HOXA10: variants seen among roughly 807,000 people sequenced by gnomAD.
HOXA10 encodes the protein homeobox A10.
In HOXA10, 12 loss-of-function variants were observed where a neutral mutation model predicts 29.7. That is an observed-to-expected ratio of 0.40 (90% CI 0.26 to 0.65). The LOEUF is 0.65. Ranked by LOEUF, HOXA10 falls within the 30% of genes least tolerant of loss-of-function variation. HOXA10 has a pLI of 0.37. For missense variants in HOXA10, 656 were observed against 585.9 expected (o/e 1.12, Z -1.24); for synonymous variants, 327 against 280.7 (o/e 1.16, Z -1.65).
At position 27,173,194 on chromosome 7, in the gene HOXA10, C is replaced by A. The variant is rs373417573; in HGVS notation, c.958+155G>T. On this transcript the variant is annotated intron_variant, in intron 1 of 1. Transcript: ENST00000283921. ...ACATGAATTTTACTGCGTCCCCACG[C>A]CCAAATATTAAAAAGCAAGTTCACA... Among the ~76,000 whole-genome samples, 329 of 152,358 alleles carry A rather than the reference C, an allele frequency of 2.2e-3. 14 individuals are homozygous for A. The South Asian group carries it at 0.057, about 26-fold the overall frequency.
chr7:27,174,635 C>T (rs1783615295), upstream of HOXA10: 14 of 395,246 alleles, frequency 3.5e-5, no homozygotes, highest in South Asian at 3.5e-4. Flanking sequence ...TAGAAGGGCC[C>T]TTGGGCCCCG....
chr7:27,173,910 G>C lies in HOXA10; in HGVS notation c.397C>G (p.Pro133Ala). ...RSCRMEPPDG[P>A]PPPPQQQPPP... ...GGCTGCTGCTGGGGCGGCGGCGGCG[G>C]CCCGTCAGGCGGCTCCATCCGGCAA... The change falls in exon 1 of 2, where the codon CCG becomes GCG. Residue 133 changes from proline to alanine, a missense_variant. Coordinates refer to ENST00000283921, the MANE Select transcript of HOXA10 (RefSeq NM_018951.4). 6.6e-7 allele frequency: 1 copy of C among 1,522,572 alleles called. No homozygotes were observed. The highest frequency in any genetic ancestry group is 8.8e-7 in the Non-Finnish European group (1 of 1,137,178). The allele number at this position is 1,522,572 out of a possible 1,614,324, so 94.3% of individuals were successfully genotyped here.
Position 27,173,764 on chromosome 7 carries a change from G to A in HOXA10, c.543C>T (p.Val181=), listed in dbSNP as rs761206026. 1.2e-6 allele frequency: 2 copies of A among 1,607,642 alleles called. No individual in the cohort carries two copies. The highest frequency in any genetic ancestry group is 2.7e-5 in the African/African-American group (2 of 74,756). The part of the protein sequence containing the change: ...LYDSADKCPK[V]SATAAELAPF... ...GAGCCAGTTCGGCGGCGGTGGCCGA[G>A]ACTTTGGGGCATTTGTCCGCCGAGT... is the stretch of plus-strand genomic sequence containing the variant. Residue 181 remains valine, a synonymous_variant, in exon 1 of 2, where the codon GTC becomes GTT. Coordinates refer to ENST00000283921, the MANE Select transcript of HOXA10 (RefSeq NM_018951.4).
At position 27,174,014 on chromosome 7, in the gene HOXA10, C is replaced by G; in HGVS notation, c.293G>C (p.Gly98Ala). Residue 98 changes from glycine (G) to alanine (A), a missense_variant, in exon 1 of 2, where the codon GGC (glycine) becomes GCC (alanine). This residue lies in a region of HOXA10 where 594 missense variants were observed against 491.9 expected (regional missense o/e 1.21). Transcript: ENST00000283921. ...RNEAASPGSG[G>A]GGGGLGPGAH... The stretch of plus-strand genomic sequence containing the variant: ...CCCGGGACCTAGACCCCCGCCACCG[C>G]CACCGCTGCCCGGCGACGCTGCCTC... 6.5e-7 allele frequency: 1 copy of G among 1,528,804 alleles called. No homozygotes were observed. The allele number at this position is 1,528,804 out of a possible 1,614,324, so 94.7% of individuals were successfully genotyped here.
upstream of HOXA10, among the ~76,000 whole-genome samples, chr7:27,177,402 A>G (rs993823677): frequency 6.6e-6 from 1 of 152,142 alleles, no homozygotes; most frequent in Non-Finnish European, 1.5e-5. Context: ...AACTCCCACC[A>G]GGGCTTGCTG....
Position 27,179,547 on chromosome 7 carries a change from C to T in HOXA10, c.10+99G>A, listed in dbSNP as rs1009526698. 1.8e-5 allele frequency: 13 copies of T among 726,482 alleles called. No individual in the cohort carries two copies. In the Admixed American group the frequency reaches 2.5e-4, roughly 14 times the overall value. 45.0% of individuals were successfully genotyped at this position (726,482 alleles called of 1,614,324 possible). On this transcript the variant is annotated intron_variant, in intron 1 of 1. Transcript: ENST00000396344. ...GTGGGGGCTCCCTACCGCGTCACCCCACAAACCCAGCCACGTTCCCGAGAG... is the reference window on the plus strand; with the variant it reads ...GTGGGGGCTCCCTACCGCGTCACCCTACAAACCCAGCCACGTTCCCGAGAG...
At chr7:27,172,271 C>G in intron 1 of HOXA10, 98 bp from the exon 2 acceptor site, 1 of 1,265,044 alleles carries the variant, frequency 7.9e-7, no homozygotes, top group South Asian at 1.2e-5. Flanking sequence ...AGAGAGATGT[C>G]CCAAGTCACA....
Position 27,170,933 on chromosome 7 carries a change from T to G in HOXA10, c.*966A>C, listed in dbSNP as rs759058440. On this transcript the variant is annotated 3_prime_UTR_variant, in exon 2 of 2. Transcript: ENST00000283921. ...TCCGCTTACCCCAGTCCTCCTAGGC[T>G]TCTGTGAATTTCAGAAAGCAAAAAC... 3.7e-5 allele frequency: 17 copies of G among 453,924 alleles called. No individual in the cohort carries two copies. Among genetic ancestry groups the G allele is most frequent in the South Asian group, 2.6e-4 (17 of 64,240 alleles). The allele number at this position is 453,924 out of a possible 1,614,324, so 28.1% of individuals were successfully genotyped here.
At chr7:27,176,969 G>A (rs1248386078), upstream of HOXA10, among the ~76,000 whole-genome samples, 1 of 152,224 alleles carries the variant, frequency 6.6e-6, no homozygotes, top group Non-Finnish European at 1.5e-5. Flanking sequence ...GAGTCCCCCA[G>A]TGTCCTGGGA....
Position 27,174,189 on chromosome 7 carries a change from C to T in HOXA10, c.118G>A (p.Gly40Ser), listed in dbSNP as rs990501473. ...CCACCACCACCGCCGCCTGCCTCGC[C>T]TCTGCCCGAGCTGATGAGCGAGTCG... ...LVDSLISSGRGEAGGGGGGAG... is the reference protein window; with the variant it reads ...LVDSLISSGRSEAGGGGGGAG... The change falls in exon 1 of 2, where the codon GGC (glycine) becomes AGC (serine). Residue 40 changes from glycine to serine, a missense_variant. Physicochemically the swap from Gly to Ser is moderately conservative, Grantham distance 56 (BLOSUM62 0). Transcript: ENST00000283921. The T allele has an allele frequency of 1.3e-5, 21 of 1,600,152 alleles. No homozygotes were observed. The highest frequency in any genetic ancestry group is 1.7e-5 in the Non-Finnish European group (20 of 1,179,736).
At chr7:27,173,292 C>A in intron 1 of HOXA10, 57 bp downstream of exon 1, 1 of 1,605,672 alleles carries the variant, frequency 6.2e-7, no homozygotes, top group South Asian at 1.1e-5. Flanking sequence ...TGATCCTTCT[C>A]CTCCTTGTGT....
Position 27,174,100 on chromosome 7 carries a change from G to C in HOXA10, c.207C>G (p.Ala69=). Reference sequence around the variant, plus strand: ...AGCTCTGCAGCCCGTAGGGCAGGTCGGCGGCGGGCGGCAGGTAGACCCCGC... The same window carrying C: ...AGCTCTGCAGCCCGTAGGGCAGGTCCGCGGCGGGCGGCAGGTAGACCCCGC... ...AHGGVYLPPA[A]DLPYGLQSCG... The change falls in exon 1 of 2, where the codon GCC becomes GCG. Residue 69 remains alanine (A), a synonymous_variant. Coordinates refer to ENST00000283921, the MANE Select transcript of HOXA10 (RefSeq NM_018951.4). 1.3e-6 allele frequency: 2 copies of C among 1,569,884 alleles called. No individual in the cohort carries two copies. The highest frequency in any genetic ancestry group is 8.6e-7 in the Non-Finnish European group (1 of 1,165,252).
In HOXA10 at chr7:27,174,157, C is replaced by T. The variant is rs764598649; in HGVS notation, c.150G>A (p.Gly50=). The T allele has an allele frequency of 5.0e-6, 8 of 1,595,928 alleles. No individual in the cohort carries two copies. The highest frequency in any genetic ancestry group is 1.7e-5 in the Admixed American group (1 of 59,900). ...GEAGGGGGGA[G]GGGGGGYYAH... is the part of the protein sequence containing the mutation. ...CGTAGTAACCGCCACCGCCGCCGCCCCCCGCGCCACCACCACCGCCGCCTG... is the reference window on the plus strand; with the variant it reads ...CGTAGTAACCGCCACCGCCGCCGCCTCCCGCGCCACCACCACCGCCGCCTG... Residue 50 remains glycine (G), a synonymous_variant, in exon 1 of 2, where the codon GGG becomes GGA. Transcript: ENST00000283921.
upstream of HOXA10, among the ~76,000 whole-genome samples, chr7:27,177,218 G>A (rs553398992): frequency 6.6e-6 from 1 of 152,362 alleles, no homozygotes; most frequent in South Asian, 2.1e-4. Flanking sequence ...CCGTGGCGTT[G>A]GCACTTGGGT....
rs1783578865 is a variant in HOXA10, at chr7:27,173,751, C to T, written c.556G>A (p.Ala186Thr). The change falls in exon 1 of 2, where the codon GCC becomes ACC. Residue 186 changes from alanine (A) to threonine (T), a missense_variant. By Grantham distance (58) the Ala-to-Thr change is moderately conservative. Around this residue, in one of 2 missense-constraint regions of HOXA10, gnomAD observed 594 missense variants for 491.9 expected, o/e 1.21. Transcript: ENST00000283921. The part of the protein sequence containing the change: ...DKCPKVSATA[A>T]ELAPFPRGPP... ...CCCCGCGGGAAGGGAGCCAGTTCGG[C>T]GGCGGTGGCCGAGACTTTGGGGCAT... The T allele has an allele frequency of 6.2e-7, 1 of 1,602,544 alleles. No homozygotes were observed. The highest frequency in any genetic ancestry group is 1.1e-5 in the South Asian group (1 of 89,358).
At chr7:27,176,791 T>C (rs1562512472), upstream of HOXA10, among the ~76,000 whole-genome samples, 1 of 152,250 alleles carries the variant, frequency 6.6e-6, no homozygotes, top group African/African-American at 2.4e-5. Flanking sequence ...TAAAAGACAA[T>C]GATCTTAACC....
Position 27,173,864 on chromosome 7 carries a change from G to C in HOXA10, c.443C>G (p.Pro148Arg), listed in dbSNP as rs1425082690. ...CGAGGTGGCCTGCGGCGCTGGCTGG[G>C]GTGGTTGCGGCGGGGGCGGCGGCTG... ...QQQPPPPPQP[P>R]QPAPQATSCS... is the part of the protein sequence containing the mutation. Residue 148 changes from proline to arginine, a missense_variant, in exon 1 of 2, where the codon CCC (proline) becomes CGC (arginine). Pro to Arg is a moderately radical substitution (Grantham distance 103). Around this residue, in one of 2 missense-constraint regions of HOXA10, gnomAD observed 594 missense variants for 491.9 expected, o/e 1.21. Coordinates refer to ENST00000283921, the MANE Select transcript of HOXA10 (RefSeq NM_018951.4). 6.3e-7 allele frequency: 1 copy of C among 1,599,172 alleles called. No individual in the cohort carries two copies. The highest frequency in any genetic ancestry group is 1.7e-5 in the Admixed American group (1 of 58,532).
upstream of HOXA10, chr7:27,174,393 C>T (rs1480830757): frequency 1.1e-5 from 18 of 1,565,458 alleles, no homozygotes; most frequent in African/African-American, 4.0e-5. Context: ...AGAGTTTCCG[C>T]GCGACCACTC....
rs1047315999 is a variant in HOXA10 at position 27,173,657 on chromosome 7, G to A, written c.650C>T (p.Ser217Phe). The part of the protein sequence containing the change: ...GVPVPGYFRL[S>F]QAYGTAKGYG... ...GCCCTTGGCGGTGCCGTAGGCCTGA[G>A]AAAGGCGGAAGTAGCCAGGCACTGG... Residue 217 changes from serine to phenylalanine, a missense_variant, in exon 1 of 2, where the codon TCT (serine) becomes TTT (phenylalanine). Around this residue, in one of 2 missense-constraint regions of HOXA10, gnomAD observed 594 missense variants for 491.9 expected, o/e 1.21. Transcript: ENST00000283921. 6.5e-7 allele frequency: 1 copy of A among 1,548,628 alleles called. No homozygotes were observed. The highest frequency in any genetic ancestry group is 8.7e-7 in the Non-Finnish European group (1 of 1,146,354).
Sources: allele counts gnomAD v4.1 joint callset (sites outside exome capture counted in the v4.1 genomes callset), GRCh38; gene constraint gnomAD v4.1.1; regional missense constraint gnomAD v4.1.1; transcripts MANE v1.5; gene names NCBI Gene and HGNC (gene_info 2026-07-23, HGNC 2026-07-21).